Variants in RIMS2 observed in about 807,000 individuals in gnomAD.
RIMS2 encodes regulating synaptic membrane exocytosis protein 2.
RIMS2 carries 59 observed loss-of-function variants against 174.4 expected under a neutral mutation model. That is an observed-to-expected ratio of 0.34 (90% CI 0.27 to 0.42). The LOEUF (loss-of-function observed/expected upper bound fraction) is 0.42, where lower values mean the gene tolerates loss of function less well. RIMS2 is among the 10% of genes least tolerant of loss of function. RIMS2 has a pLI of 1.00. For missense variants in RIMS2, 1,620 were observed against 1,666.3 expected (o/e 0.97, Z 0.48); for synonymous variants, 606 against 572.5 (o/e 1.06, Z -0.84).
chr8:103,839,924 T>A lies in RIMS2; in HGVS notation c.699-45374T>A, dbSNP rs184782976. Among the ~76,000 whole-genome samples, 30 of 152,346 alleles carry A rather than the reference T, an allele frequency of 2.0e-4. No individual in the cohort carries two copies. The East Asian group carries it at 5.6e-3, about 28-fold the overall frequency. Reference sequence around the variant, plus strand: ...ACAAGCCTGAATTTTAATCTCTATTTTTAACACCGGACTGTGTTTCTTATG... The same window carrying A: ...ACAAGCCTGAATTTTAATCTCTATTATTAACACCGGACTGTGTTTCTTATG... On this transcript the variant is annotated intron_variant, in intron 3 of 23. Coordinates refer to ENST00000504942, the Ensembl canonical transcript of RIMS2.
chr8:103,782,832 T>C (rs1259789143), intron 3 of RIMS2, among the ~76,000 whole-genome samples: 2 of 152,222 alleles, frequency 1.3e-5, no homozygotes, highest in African/African-American at 2.4e-5. Flanking sequence ...ATTGAGTTTT[T>C]GGTCTTTATT....
intron 19 of RIMS2, among the ~76,000 whole-genome samples, chr8:104,116,441 A>G (rs2098279159): frequency 1.3e-5 from 2 of 152,186 alleles, no homozygotes; most frequent in Non-Finnish European, 2.9e-5. Context: ...TCTATTTTTT[A>G]TAATATGACC....
At chr8:103,922,603 T>C (rs930126693) in intron 10 of RIMS2, 2 of 394,136 alleles carry the variant, frequency 5.1e-6, no homozygotes, top group Non-Finnish European at 1.0e-5. Context: ...GCTGTTTAGG[T>C]TGTCAAAATT....
chr8:103,986,475 A>G (rs1277873447), intron 16 of RIMS2, among the ~76,000 whole-genome samples: 2 of 152,206 alleles, frequency 1.3e-5, no homozygotes, highest in Non-Finnish European at 2.9e-5. Context: ...ATGGAAAATG[A>G]GAGGTATAAA....
At chr8:103,824,380 T>G (rs1241483340) in intron 3 of RIMS2, among the ~76,000 whole-genome samples, 2 of 152,172 alleles carry the variant, frequency 1.3e-5, no homozygotes, top group Admixed American at 6.6e-5. Context: ...TTTCTTCCTA[T>G]CCATGTATGA....
intron 2 of RIMS2, among the ~76,000 whole-genome samples, chr8:103,722,632 G>T (rs2097466271): frequency 6.6e-6 from 1 of 152,132 alleles, no homozygotes; most frequent in Non-Finnish European, 1.5e-5. Context: ...GATAAAGTTT[G>T]CTTGCTCACT....
chr8:104,183,700 G>A (rs2098952764), intron 19 of RIMS2, among the ~76,000 whole-genome samples: 1 of 151,522 alleles, frequency 6.6e-6, no homozygotes, highest in African/African-American at 2.4e-5. Context: ...ATTCTGAACA[G>A]CTCATCAGAG....
chr8:104,175,165 G>T (rs982823636), intron 19 of RIMS2, among the ~76,000 whole-genome samples: 2 of 151,960 alleles, frequency 1.3e-5, no homozygotes, highest in Non-Finnish European at 2.9e-5. Context: ...CAAAAGATGT[G>T]TTATCTGCTA....
intron 19 of RIMS2, among the ~76,000 whole-genome samples, chr8:104,057,438 G>C (rs2096889693): frequency 6.6e-6 from 1 of 151,834 alleles, no homozygotes. Flanking sequence ...TAAAATTTCA[G>C]TTAGTCTGTT....
At chr8:103,541,902 A>T (rs1049564073) in intron 1 of RIMS2, among the ~76,000 whole-genome samples, 1 of 152,198 alleles carries the variant, frequency 6.6e-6, no homozygotes, top group South Asian at 2.1e-4. Flanking sequence ...TATTTTAGAT[A>T]AGCCTCATGG....
chr8:103,519,796 A>G (rs191329151), intron 1 of RIMS2, among the ~76,000 whole-genome samples: 118 of 147,578 alleles, frequency 8.0e-4, no homozygotes, highest in Non-Finnish European at 1.2e-3. Flanking sequence ...ATTACGGTTT[A>G]GACTCAGGCT....
rs576232048 is a variant in RIMS2, at chr8:103,624,142, G to T, written c.177-72944G>T. ...GTGTCAACTTGACTGGCCAAGGGGG[G>T]CCCAGATTAAACATTATCTTGAGGT... On this transcript the variant is annotated intron_variant, in intron 1 of 23. Coordinates refer to ENST00000504942, the Ensembl canonical transcript of RIMS2. Among the ~76,000 whole-genome samples the T allele has an allele frequency of 6.0e-4, 92 of 152,282 alleles. No homozygotes were observed. In the Middle Eastern group the frequency reaches 0.024, roughly 39 times the overall value.
chr8:103,834,551 T>C (rs2154481214), intron 3 of RIMS2, among the ~76,000 whole-genome samples: 1 of 151,896 alleles, frequency 6.6e-6, no homozygotes, highest in South Asian at 2.1e-4. Flanking sequence ...GGCAGTGTTT[T>C]TAATACACAT....
At chr8:104,024,922 A>T (rs1197685953) in intron 19 of RIMS2, among the ~76,000 whole-genome samples, 1 of 152,174 alleles carries the variant, frequency 6.6e-6, no homozygotes, top group Admixed American at 6.6e-5. Context: ...TTCATAATAC[A>T]AAGCTTTTAG....
intron 3 of RIMS2, among the ~76,000 whole-genome samples, chr8:103,850,270 G>C (rs2098990373): frequency 6.6e-6 from 1 of 151,868 alleles, no homozygotes; most frequent in African/African-American, 2.4e-5. Context: ...GTATCTTGTA[G>C]AACAAAAGAA....
At chr8:104,190,695 C>T (rs73301351) in intron 19 of RIMS2, among the ~76,000 whole-genome samples, 1,943 of 152,164 alleles carry the variant, frequency 0.013, 30 homozygotes, top group African/African-American at 0.042. Context: ...TCTCCTCTTT[C>T]CCTATAGATA....
intron 1 of RIMS2, among the ~76,000 whole-genome samples, chr8:103,578,729 C>A (rs2093416991): frequency 6.6e-6 from 1 of 151,654 alleles, no homozygotes; most frequent in African/African-American, 2.4e-5. Context: ...CACAGTGGCT[C>A]ACACCTGTAA....
chr8:103,652,070 T>G (rs1304405937), intron 1 of RIMS2, 135 bp from the exon 2 acceptor site: 1 of 254,070 alleles, frequency 3.9e-6, no homozygotes, highest in Non-Finnish European at 7.7e-6. Context: ...ATGTATAATT[T>G]CAATATATGG....
intron 2 of RIMS2, among the ~76,000 whole-genome samples, chr8:103,757,051 T>G (rs1054402319): frequency 1.3e-5 from 2 of 149,800 alleles, no homozygotes; most frequent in Admixed American, 6.6e-5. Context: ...CAGAGAGAGA[T>G]ATTCAGGAGA....
Sources: gnomAD v4.1 joint callset for allele counts (sites outside exome capture counted in the v4.1 genomes callset) on GRCh38, gnomAD v4.1.1 for gene constraint, MANE v1.5 for transcripts, NCBI Gene and HGNC (gene_info 2026-07-23, HGNC 2026-07-21) for gene names.